Variants in STX6 observed in about 807,000 individuals in gnomAD.
The protein encoded by STX6 is syntaxin-6.
STX6 carries 23 observed loss-of-function variants against 38.0 expected under a neutral mutation model. That is an observed-to-expected ratio of 0.60 (90% confidence interval 0.43 to 0.86). The LOEUF (loss-of-function observed/expected upper bound fraction) is 0.86. Ranked by LOEUF, STX6 falls within the 40% of genes least tolerant of loss-of-function variation. STX6 has a pLI of 0.00. For synonymous variants in STX6, 123 were observed against 107.5 expected, an observed-to-expected ratio of 1.14 and a Z score of -0.89; for missense variants, 274 against 312.9, an observed-to-expected ratio of 0.88 and a Z score of 0.94.
chr1:181,022,580 GGT>G (rs1656771999), intron 1 of STX6, 57 bp downstream of exon 1: 10 of 1,559,096 alleles, frequency 6.4e-6, no homozygotes, highest in Admixed American at 1.8e-5. Context: ...AGACCTAGGA[GGT>G]GCGGGCAGGC....
chr1:181,001,060 A>G (rs1656067894), intron 3 of STX6, among the ~76,000 whole-genome samples: 1 of 152,234 alleles, frequency 6.6e-6, no homozygotes, highest in Non-Finnish European at 1.5e-5. Context: ...TTTCTCCCTC[A>G]TTAAAATGTG....
intron 6 of STX6, among the ~76,000 whole-genome samples, chr1:180,985,916 T>C (rs1025053538): frequency 3.3e-5 from 5 of 152,228 alleles, no homozygotes; most frequent in African/African-American, 7.2e-5. Flanking sequence ...AACCAACTCT[T>C]CATTAAATCA....
At chr1:181,008,809 G>A (rs1483727858) in intron 1 of STX6, among the ~76,000 whole-genome samples, 3 of 139,478 alleles carry the variant, frequency 2.2e-5, no homozygotes, top group East Asian at 4.5e-4. Flanking sequence ...TCCATGAAGT[G>A]ACAGGTTCAC....
At chr1:180,993,992 T>C (rs1655828956) in intron 3 of STX6, among the ~76,000 whole-genome samples, 1 of 152,238 alleles carries the variant, frequency 6.6e-6, no homozygotes, top group Non-Finnish European at 1.5e-5. Flanking sequence ...ATTTTATTTC[T>C]GAGTTGGATT....
chr1:180,991,274 C>G (rs917007130), intron 4 of STX6, among the ~76,000 whole-genome samples: 3 of 152,150 alleles, frequency 2.0e-5, no homozygotes, highest in Non-Finnish European at 2.9e-5. Flanking sequence ...GAGCTTCAGT[C>G]CAGCTGGATG....
At chr1:180,984,251 TAAGA>T (rs1262036818) in intron 7 of STX6, among the ~76,000 whole-genome samples, 1 of 149,222 alleles carries the variant, frequency 6.7e-6, no homozygotes, top group Non-Finnish European at 1.5e-5. Flanking sequence ...AAATGTGCCA[TAAGA>T]AAGGGATCAG....
chr1:181,005,430 TC>T lies in STX6; in HGVS notation c.68del (p.Gly23AspfsTer28). On this transcript the variant is annotated frameshift_variant, in exon 2 of 8. Coordinates refer to ENST00000258301, the MANE Select transcript of STX6 (RefSeq NM_005819.6). LOFTEE classifies it high-confidence loss of function. ...EVQKAVNTAQ[G>X]LFQRWTELLQ... is the part of the protein sequence containing the mutation. ...GGAGCTCTGTCCATCTCTGAAACAA[TC>T]CCTGGGCAGTGTTGACTGCTTTCTG... 6.2e-7 allele frequency: 1 copy of T among 1,613,766 alleles called. No individual in the cohort carries two copies. Among genetic ancestry groups the T allele is most frequent in the East Asian group, 2.2e-5 (1 of 44,840 alleles).
intron 1 of STX6, among the ~76,000 whole-genome samples, chr1:181,015,321 A>AT (rs2102333057): frequency 6.6e-6 from 1 of 152,332 alleles, no homozygotes; most frequent in Admixed American, 6.5e-5. Context: ...TACAAAACAT[A>AT]ATGTATTCAA....
intron 6 of STX6, among the ~76,000 whole-genome samples, chr1:180,985,276 A>G (rs1655541897): frequency 6.6e-6 from 1 of 152,200 alleles, no homozygotes; most frequent in South Asian, 2.1e-4. Flanking sequence ...GAGGCAGACA[A>G]CCAGGCTTTG....
intron 1 of STX6, among the ~76,000 whole-genome samples, chr1:181,011,604 GA>G (rs1656403152): frequency 6.6e-6 from 1 of 152,178 alleles, no homozygotes; most frequent in Non-Finnish European, 1.5e-5. Flanking sequence ...ACTAAAAACT[GA>G]AGATTACTTG....
At chr1:181,014,571 G>A (rs572924262) in intron 1 of STX6, among the ~76,000 whole-genome samples, 1 of 152,208 alleles carries the variant, frequency 6.6e-6, no homozygotes, top group African/African-American at 2.4e-5. Flanking sequence ...GGCTAGTCAA[G>A]GCTGAAAGTT....
intron 1 of STX6, among the ~76,000 whole-genome samples, chr1:181,019,864 C>T (rs1358464366): frequency 6.6e-6 from 1 of 152,090 alleles, no homozygotes; most frequent in Admixed American, 6.6e-5. Context: ...ATGTTTGGAA[C>T]AATTAAAGAG....
chr1:181,001,761 T>C (rs137960494), intron 3 of STX6, among the ~76,000 whole-genome samples: 1 of 152,356 alleles, frequency 6.6e-6, no homozygotes, highest in East Asian at 1.9e-4. Flanking sequence ...AAATAAAAAG[T>C]GAGAAAGATA....
At chr1:181,006,479 G>A (rs548458721) in intron 1 of STX6, among the ~76,000 whole-genome samples, 2 of 151,000 alleles carry the variant, frequency 1.3e-5, no homozygotes, top group Middle Eastern at 3.4e-3. Flanking sequence ...CCACCATTGG[G>A]CCAATATCCA....
chr1:181,013,059 G>A (rs367993315), intron 1 of STX6, among the ~76,000 whole-genome samples: 226 of 151,572 alleles, frequency 1.5e-3, no homozygotes, highest in African/African-American at 5.3e-3. Context: ...TTGATCCCTC[G>A]TCAGATAGTT....
chr1:181,009,352 C>T (rs1053253448), intron 1 of STX6, among the ~76,000 whole-genome samples: 2 of 151,570 alleles, frequency 1.3e-5, no homozygotes, highest in Admixed American at 1.3e-4. Flanking sequence ...GCCTGTAATC[C>T]CAGCTACTCA....
intron 3 of STX6, among the ~76,000 whole-genome samples, chr1:181,001,168 T>C (rs1267747207): frequency 6.6e-6 from 1 of 152,232 alleles, no homozygotes; most frequent in Non-Finnish European, 1.5e-5. Flanking sequence ...TAATCTACCA[T>C]TTGAAATAAT....
chr1:181,020,909 T>C (rs116565695), intron 1 of STX6, among the ~76,000 whole-genome samples: 193 of 152,310 alleles, frequency 1.3e-3, no homozygotes, highest in African/African-American at 4.4e-3. Context: ...GGTACATGAC[T>C]CCCCAAAAAT....
At chr1:181,009,599 A>G (rs183542007) in intron 1 of STX6, among the ~76,000 whole-genome samples, 2 of 152,344 alleles carry the variant, frequency 1.3e-5, no homozygotes, top group East Asian at 3.9e-4. Context: ...ATTACATACT[A>G]CTACATATTT....
Sources: allele counts gnomAD v4.1 joint callset (sites outside exome capture counted in the v4.1 genomes callset), GRCh38; gene constraint gnomAD v4.1.1; transcripts MANE v1.5; gene names NCBI Gene and HGNC (gene_info 2026-07-23, HGNC 2026-07-21).